Variants in KHDRBS2 observed in about 807,000 individuals in gnomAD.
KHDRBS2 encodes KH domain-containing, RNA-binding, signal transduction-associated protein 2.
A neutral mutation model predicts 44.3 loss-of-function variants in KHDRBS2; 26 were observed. That is an observed-to-expected ratio of 0.59 (90% CI 0.43 to 0.81). The LOEUF (loss-of-function observed/expected upper bound fraction) is 0.81, where lower values mean the gene tolerates loss of function less well. KHDRBS2 is among the 40% of genes least tolerant of loss of function. The pLI, the probability that KHDRBS2 is intolerant of heterozygous loss-of-function variation, is 0.00. For missense variants in KHDRBS2, 476 were observed against 433.1 expected, an observed-to-expected ratio of 1.10 and a Z score of -0.88; for synonymous variants, 194 against 151.1, an observed-to-expected ratio of 1.28 and a Z score of -2.08.
intron 4 of KHDRBS2, among the ~76,000 whole-genome samples, chr6:61,928,099 C>T (rs1208835300): frequency 6.6e-6 from 1 of 152,004 alleles, no homozygotes; most frequent in Admixed American, 6.6e-5. Flanking sequence ...AAATCATGTT[C>T]TTGTGTTTAC....
chr6:62,077,275 T>C (rs1315446151), intron 2 of KHDRBS2, among the ~76,000 whole-genome samples: 1 of 152,014 alleles, frequency 6.6e-6, no homozygotes, highest in Non-Finnish European at 1.5e-5. Flanking sequence ...AGATCCTATG[T>C]ATGATCTTTC....
chr6:62,106,783 T>A (rs1298912147), intron 2 of KHDRBS2, among the ~76,000 whole-genome samples: 1 of 152,194 alleles, frequency 6.6e-6, no homozygotes, highest in Non-Finnish European at 1.5e-5. Flanking sequence ...CAAGGCTGGT[T>A]CAGTATACAC....
intron 1 of KHDRBS2, among the ~76,000 whole-genome samples, chr6:62,278,410 T>C (rs1422431298): frequency 1.3e-5 from 2 of 152,162 alleles, no homozygotes; most frequent in Non-Finnish European, 1.5e-5. Flanking sequence ...TGATCAGTTA[T>C]GTTCCCATTC....
At chr6:61,948,400 T>C (rs765748147) in intron 4 of KHDRBS2, among the ~76,000 whole-genome samples, 2 of 152,028 alleles carry the variant, frequency 1.3e-5, no homozygotes, top group South Asian at 2.1e-4. Context: ...AAGAAAAACT[T>C]AGTCAATGTT....
chr6:61,977,848 A>T (rs1376281185), intron 4 of KHDRBS2, among the ~76,000 whole-genome samples: 1 of 151,428 alleles, frequency 6.6e-6, no homozygotes, highest in Non-Finnish European at 1.5e-5. Context: ...CACCAGCATG[A>T]CAAACATTGC....
chr6:61,611,118 GTAGT>G, the KHDRBS2 span, among the ~76,000 whole-genome samples: 1 of 152,184 alleles, frequency 6.6e-6, no homozygotes, highest in Non-Finnish European at 1.5e-5. Flanking sequence ...CAAAGACAGT[GTAGT>G]TAAATACAAC....
intron 4 of KHDRBS2, among the ~76,000 whole-genome samples, chr6:61,915,429 A>G (rs572285047): frequency 6.6e-6 from 1 of 152,184 alleles, no homozygotes; most frequent in East Asian, 1.9e-4. Flanking sequence ...AGGTGTCGCC[A>G]TAAGATCTTC....
the KHDRBS2 span, among the ~76,000 whole-genome samples, chr6:61,582,490 T>C: frequency 1.3e-5 from 2 of 151,762 alleles, no homozygotes; most frequent in Non-Finnish European, 3.0e-5. Flanking sequence ...AAAATATCAC[T>C]AATAAAGTGA....
intron 2 of KHDRBS2, among the ~76,000 whole-genome samples, chr6:62,112,913 G>A (rs1031611191): frequency 5.3e-5 from 8 of 152,046 alleles, no homozygotes; most frequent in Non-Finnish European, 7.4e-5. Context: ...TAAAATACAC[G>A]CCAAAGTTGT....
intron 1 of KHDRBS2, among the ~76,000 whole-genome samples, chr6:62,235,062 C>A (rs1833484441): frequency 7.1e-6 from 1 of 141,094 alleles, no homozygotes; most frequent in African/African-American, 2.7e-5. Context: ...GAGATGTTTC[C>A]ATTTAGGCTT....
intron 3 of KHDRBS2, among the ~76,000 whole-genome samples, chr6:62,027,524 C>A (rs1166773034): frequency 6.6e-6 from 1 of 152,022 alleles, no homozygotes; most frequent in Non-Finnish European, 1.5e-5. Flanking sequence ...AATGAGGTGA[C>A]TTTTGGAAAG....
chr6:62,223,320 G>A (rs990858578), intron 1 of KHDRBS2, among the ~76,000 whole-genome samples: 4 of 152,188 alleles, frequency 2.6e-5, no homozygotes, highest in Admixed American at 6.5e-5. Flanking sequence ...AGCCACAGCT[G>A]GAGCAGCTAG....
At chr6:61,667,618 G>A in the KHDRBS2 span, among the ~76,000 whole-genome samples, 16 of 151,236 alleles carry the variant, frequency 1.1e-4, no homozygotes, top group African/African-American at 2.4e-4. Flanking sequence ...ATATTTCTTC[G>A]TCATCTTTAA....
chr6:61,654,860 A>G, the KHDRBS2 span, among the ~76,000 whole-genome samples: 1 of 151,586 alleles, frequency 6.6e-6, no homozygotes, highest in Non-Finnish European at 1.5e-5. Flanking sequence ...GGGAAAAGAT[A>G]CAGCTGCTGC....
chr6:61,829,655 A>G (rs1480660205), intron 6 of KHDRBS2, among the ~76,000 whole-genome samples: 1 of 152,198 alleles, frequency 6.6e-6, no homozygotes, highest in Non-Finnish European at 1.5e-5. Flanking sequence ...ATATAGTCAC[A>G]TTACAGGTAA....
At chr6:61,615,086 A>T in the KHDRBS2 span, among the ~76,000 whole-genome samples, 5 of 151,592 alleles carry the variant, frequency 3.3e-5, no homozygotes, top group South Asian at 2.1e-4. Flanking sequence ...TACAAAAATT[A>T]GCCGGGTGTG....
chr6:62,088,809 G>A (rs1412178994), intron 2 of KHDRBS2, among the ~76,000 whole-genome samples: 5 of 152,288 alleles, frequency 3.3e-5, no homozygotes, highest in African/African-American at 1.2e-4. Context: ...GTCTGCTGAA[G>A]CTGCGACCGT....
the KHDRBS2 span, among the ~76,000 whole-genome samples, chr6:61,673,133 G>A: frequency 3.3e-5 from 5 of 151,772 alleles, no homozygotes; most frequent in Non-Finnish European, 7.4e-5. Context: ...TTTTTCTCAG[G>A]TTTGTCAAAG....
chr6:61,638,367 T>C, the KHDRBS2 span, among the ~76,000 whole-genome samples: 6 of 152,026 alleles, frequency 3.9e-5, no homozygotes, highest in Non-Finnish European at 8.8e-5. Flanking sequence ...TCTACAACTA[T>C]CTGATCTTTG....
Sources: allele counts gnomAD v4.1 joint callset (sites outside exome capture counted in the v4.1 genomes callset), GRCh38; gene constraint gnomAD v4.1.1; transcripts MANE v1.5; gene names NCBI Gene and HGNC (gene_info 2026-07-23, HGNC 2026-07-21).